STYXL1: variants seen among roughly 807,000 people sequenced by gnomAD.
STYXL1 encodes the protein serine/threonine/tyrosine interacting like 1, also known as serine/threonine/tyrosine-interacting-like protein 1.
A neutral mutation model predicts 36.4 loss-of-function variants in STYXL1; 32 were observed. The ratio of observed to expected loss-of-function variants is 0.88; its 90% CI spans 0.66 to 1.18. STYXL1 has a LOEUF of 1.18. Among genes scored for constraint, STYXL1 ranks in the 50% most tolerant of loss-of-function variants. The pLI is 0.00. For missense variants in STYXL1, 354 were observed against 394.1 expected, an observed-to-expected ratio of 0.90 and a Z score of 0.86; for synonymous variants, 133 against 144.1, an observed-to-expected ratio of 0.92 and a Z score of 0.55.
At chr7:76,040,077 G>A (rs1396813816) in intron 1 of STYXL1, among the ~76,000 whole-genome samples, 1 of 152,178 alleles carries the variant, frequency 6.6e-6, no homozygotes, top group Non-Finnish European at 1.5e-5. Flanking sequence ...AAGCCTGCTA[G>A]ACCCCTGAGA....
Position 76,038,358 on chromosome 7 carries a change from CT to C in STYXL1, c.-4-7832del, listed in dbSNP as rs1422955593. On this transcript the variant is annotated intron_variant, in intron 1 of 8. Transcript: ENST00000359697. ...CTCTCCTCTGTCGTCCCAGAAAAAC[CT>C]CCCTACTCGTTATGTGACTTCGAGG... 4.7e-5 allele frequency among the ~76,000 whole-genome samples: 7 copies of C among 149,562 alleles called. 1 individual carries two copies. Among genetic ancestry groups the C allele is most frequent in the Non-Finnish European group, 9.0e-5 (6 of 66,940 alleles).
intron 1 of STYXL1, among the ~76,000 whole-genome samples, chr7:76,043,054 G>C (rs1213268746): frequency 6.6e-6 from 1 of 152,212 alleles, no homozygotes; most frequent in African/African-American, 2.4e-5. Context: ...TTGGGGCAAA[G>C]GATACCTAAG....
chr7:76,036,049 G>A (rs1795877240), intron 1 of STYXL1, among the ~76,000 whole-genome samples: 1 of 149,920 alleles, frequency 6.7e-6, no homozygotes, highest in Non-Finnish European at 1.5e-5. Flanking sequence ...GTTGAGGACT[G>A]AGCACAAGTA....
intron 5 of STYXL1, among the ~76,000 whole-genome samples, chr7:76,006,212 C>T (rs1791746657): frequency 6.6e-6 from 1 of 152,022 alleles, no homozygotes; most frequent in Non-Finnish European, 1.5e-5. Flanking sequence ...GCTGGGACTA[C>T]AGGTGCGCAT....
At chr7:76,042,401 T>TTTTTTTTTTC (rs1796564882) in intron 1 of STYXL1, among the ~76,000 whole-genome samples, 1 of 86,020 alleles carries the variant, frequency 1.2e-5, no homozygotes, top group Admixed American at 1.2e-4. Flanking sequence ...TTTTTTTTTT[T>TTTTTTTTTTC]TTTTTTTTTT....
At chr7:76,032,804 G>A (rs553982924) in intron 1 of STYXL1, among the ~76,000 whole-genome samples, 3 of 152,324 alleles carry the variant, frequency 2.0e-5, no homozygotes, top group East Asian at 3.9e-4. Flanking sequence ...GTTGTCTGAG[G>A]ATGTGACTGC....
intron 1 of STYXL1, among the ~76,000 whole-genome samples, chr7:76,033,808 C>T (rs77381667): frequency 0.078 from 11,814 of 152,116 alleles, 550 homozygotes; most frequent in South Asian, 0.14. Context: ...TTTCATTTAC[C>T]GCCTCCACTT....
At chr7:76,047,171 G>C (rs1554583998) in intron 1 of STYXL1, among the ~76,000 whole-genome samples, 1 of 152,040 alleles carries the variant, frequency 6.6e-6, no homozygotes, top group Non-Finnish European at 1.5e-5. Context: ...TGAGGCAGGA[G>C]AACCACTTGA....
Position 76,021,981 on chromosome 7 carries a change from T to C in STYXL1, c.177A>G (p.Glu59=), listed in dbSNP as rs1554576415. 1.2e-6 allele frequency: 2 copies of C among 1,600,422 alleles called. No homozygotes were observed. The highest frequency in any genetic ancestry group is 1.7e-6 in the Non-Finnish European group (2 of 1,177,438). The change falls in exon 4 of 9, where the codon GAA becomes GAG. Residue 59 remains glutamate, a synonymous_variant. Transcript: ENST00000359697. ...TALRVKKKNN[E]YLLPESVDLE... is the part of the protein sequence containing the mutation. ...GGTCCACAGACTCCGGGAGAAGATA[T>C]TCATTATTTTTCTTAAAAAAAAAAA...
chr7:76,045,323 T>C (rs1796846586), intron 1 of STYXL1: 1 of 151,972 alleles, frequency 6.6e-6, no homozygotes, highest in Non-Finnish European at 1.5e-5. Context: ...TCCTAAACAA[T>C]CTCCATTTTT....
chr7:76,005,660 C>A (rs1554569942), intron 5 of STYXL1, among the ~76,000 whole-genome samples: 1 of 152,150 alleles, frequency 6.6e-6, no homozygotes, highest in Non-Finnish European at 1.5e-5. Context: ...CCCTCCGTGG[C>A]AACTGTTTAC....
At chr7:76,019,282 CTTTTTTTT>C (rs112308010) in intron 4 of STYXL1, among the ~76,000 whole-genome samples, 4 of 136,532 alleles carry the variant, frequency 2.9e-5, no homozygotes, top group Admixed American at 2.2e-4. Context: ...CTGTTTTTTT[CTTTTTTTT>C]TTTTTTTTAA....
chr7:76,043,204 T>A (rs1368154349), intron 1 of STYXL1, among the ~76,000 whole-genome samples: 1 of 152,092 alleles, frequency 6.6e-6, no homozygotes, highest in Non-Finnish European at 1.5e-5. Flanking sequence ...TGCAGTGGCA[T>A]GATCTCGGCT....
chr7:76,003,915 TG>T, intron 6 of STYXL1, 60 bp from the exon 7 acceptor site: 3 of 1,530,602 alleles, frequency 2.0e-6, no homozygotes, highest in Non-Finnish European at 2.7e-6. Flanking sequence ...ATCCCCATTG[TG>T]GGGTTTTCAT....
intron 3 of STYXL1, among the ~76,000 whole-genome samples, chr7:76,027,100 A>G (rs1794804525): frequency 6.6e-6 from 1 of 151,894 alleles, no homozygotes; most frequent in Admixed American, 6.6e-5. Context: ...AGAAACCAGG[A>G]AAGTCAAAGA....
At chr7:76,026,717 T>C (rs1441445739) in intron 3 of STYXL1, among the ~76,000 whole-genome samples, 1 of 152,044 alleles carries the variant, frequency 6.6e-6, no homozygotes, top group Admixed American at 6.6e-5. Flanking sequence ...AGCAGTTACA[T>C]TCAGGTGGCA....
chr7:76,013,325 C>CTCACAA (rs1563480311), intron 5 of STYXL1, among the ~76,000 whole-genome samples: 9 of 80,346 alleles, frequency 1.1e-4, no homozygotes, highest in South Asian at 4.4e-4. Context: ...GACTCCGTCT[C>CTCACAA]AAAAAAAAAA....
At chr7:76,029,864 G>A (rs902926917) in intron 2 of STYXL1, among the ~76,000 whole-genome samples, 6 of 152,170 alleles carry the variant, frequency 3.9e-5, no homozygotes, top group Non-Finnish European at 5.9e-5. Context: ...TAATGCAAGC[G>A]ATGGGGAGTG....
chr7:76,042,396 T>C (rs1484576596), intron 1 of STYXL1, among the ~76,000 whole-genome samples: 1 of 78,146 alleles, frequency 1.3e-5, no homozygotes, highest in Non-Finnish European at 2.3e-5. Flanking sequence ...TGTGCTTTTT[T>C]TTTTTTTTTT....
Sources: allele counts gnomAD v4.1 joint callset (sites outside exome capture counted in the v4.1 genomes callset), GRCh38; gene constraint gnomAD v4.1.1; transcripts MANE v1.5; gene names NCBI Gene and HGNC (gene_info 2026-07-23, HGNC 2026-07-21).